The following USF3 variants were observed in gnomAD, a reference collection of about 807,000 sequenced individuals.
The protein encoded by USF3 is basic helix-loop-helix domain-containing protein USF3.
A neutral mutation model predicts 157.5 loss-of-function variants in USF3; 29 were observed. The observed-to-expected ratio is 0.18, with a 90% CI of 0.14 to 0.25. The LOEUF (loss-of-function observed/expected upper bound fraction) is 0.25, where lower values mean the gene tolerates loss of function less well. Ranked by LOEUF, USF3 falls within the 10% of genes least tolerant of loss-of-function variation. The pLI is 1.00. For missense variants in USF3, 2,381 were observed against 2,667.6 expected, an observed-to-expected ratio of 0.89 and a Z score of 2.37; for synonymous variants, 893 against 941.4, an observed-to-expected ratio of 0.95 and a Z score of 0.94.
rs1377761687 is a variant in USF3 at position 113,651,759 on chromosome 3, A to G, written c.*3185T>C. On this transcript the variant is annotated 3_prime_UTR_variant, in exon 7 of 7. Transcript: ENST00000316407. ...TGAAGTCTTACATACACATGCATAC[A>G]TCTGTAAAGTAATGAGAGCTACACG... The G allele has an allele frequency of 6.6e-6, 1 of 152,252 alleles. No individual in the cohort carries two copies. Among genetic ancestry groups the G allele is most frequent in the Non-Finnish European group, 1.5e-5 (1 of 68,046 alleles). 9.4% of individuals were successfully genotyped at this position (152,252 alleles called of 1,614,324 possible).
intron 1 of USF3, among the ~76,000 whole-genome samples, chr3:113,693,923 C>G (rs1490373536): frequency 6.6e-6 from 1 of 152,182 alleles, no homozygotes; most frequent in Non-Finnish European, 1.5e-5. Flanking sequence ...ATGAGTGAGG[C>G]CTGATTTAGG....
chr3:113,680,798 C>CAAA (rs527515104), intron 1 of USF3, among the ~76,000 whole-genome samples: 1,505 of 113,518 alleles, frequency 0.013, 12 homozygotes, highest in Admixed American at 0.049. Context: ...ATACTGTCTC[C>CAAA]AAAAAAAAAA....
chr3:113,671,068 GATA>G (rs1255339694), intron 4 of USF3, among the ~76,000 whole-genome samples: 1 of 152,096 alleles, frequency 6.6e-6, no homozygotes, highest in Non-Finnish European at 1.5e-5. Context: ...GACCATCATT[GATA>G]ATAATTACTT....
chr3:113,658,004 T>A lies in USF3; in HGVS notation c.3678A>T (p.Leu1226Phe). The change falls in exon 7 of 7, where the codon TTA (leucine) becomes TTT (phenylalanine). Residue 1226 changes from leucine (L) to phenylalanine (F), a missense_variant. Physicochemically the swap from Leu to Phe is conservative, Grantham distance 22. Coordinates refer to ENST00000316407, the MANE Select transcript of USF3 (RefSeq NM_001009899.4). The part of the protein sequence containing the change: ...SLGIKTSNAS[L>F]QDSTSQPPSI... Reference sequence around the variant, plus strand: ...TTGGTGGCTGAGAAGTTGAATCCTGTAAAGATGCATTTGATGTTTTAATTC... The same window carrying A: ...TTGGTGGCTGAGAAGTTGAATCCTGAAAAGATGCATTTGATGTTTTAATTC... 1 of 1,614,168 alleles carries A rather than the reference T, an allele frequency of 6.2e-7. No homozygotes were observed. The highest frequency in any genetic ancestry group is 8.5e-7 in the Non-Finnish European group (1 of 1,180,012).
rs888632929 is a variant in USF3, at chr3:113,664,494, CAT to C, written c.160-87_160-86del. ...GAAACTTTAAGCTTTGTCTTTATCACATATATATGATACGTATCTTCTCAAAA... is the reference window on the plus strand; with the variant it reads ...GAAACTTTAAGCTTTGTCTTTATCACATATATGATACGTATCTTCTCAAAA... On this transcript the variant is annotated intron_variant, in intron 5 of 6. Coordinates refer to ENST00000316407, the MANE Select transcript of USF3 (RefSeq NM_001009899.4). The C allele has an allele frequency of 4.6e-6, 3 of 656,512 alleles. No individual in the cohort carries two copies. The African/African-American group carries it at 5.5e-5, about 12-fold the overall frequency. The allele number at this position is 656,512 out of a possible 1,614,324, so 40.7% of individuals were successfully genotyped here.
At chr3:113,681,361 T>C (rs144439349) in intron 1 of USF3, among the ~76,000 whole-genome samples, 12 of 152,274 alleles carry the variant, frequency 7.9e-5, no homozygotes, top group African/African-American at 2.9e-4. Context: ...GTATGCTGTG[T>C]TTCCATTTTC....
rs762035249 is a variant in USF3, at chr3:113,660,214, G to A, written c.1468C>T (p.Pro490Ser). The A allele has an allele frequency of 5.0e-6, 8 of 1,614,172 alleles. No individual in the cohort carries two copies. In the South Asian group the frequency reaches 8.8e-5, roughly 18 times the overall value. Residue 490 changes from proline to serine, a missense_variant, in exon 7 of 7, where the codon CCA (proline) becomes TCA (serine). Around this residue, in one of 6 missense-constraint regions of USF3, gnomAD observed 1,435 missense variants for 1,550.9 expected, o/e 0.93. Transcript: ENST00000316407. ...LNNSFPADGQ[P>S]VEQVVVTLPS... Reference sequence around the variant, plus strand: ...AATGTTACAACTACTTGCTCAACTGGCTGCCCATCTGCTGGAAAGGAATTA... The same window carrying A: ...AATGTTACAACTACTTGCTCAACTGACTGCCCATCTGCTGGAAAGGAATTA...
intron 1 of USF3, among the ~76,000 whole-genome samples, chr3:113,679,348 G>A (rs9831422): frequency 0.3 from 45,067 of 150,340 alleles, 6,961 homozygotes; most frequent in Non-Finnish European, 0.35. Context: ...GGGTTTTGAC[G>A]AATGCACACA....
At chr3:113,695,418 A>G (rs982011372) in intron 1 of USF3, among the ~76,000 whole-genome samples, 1 of 152,228 alleles carries the variant, frequency 6.6e-6, no homozygotes, top group Non-Finnish European at 1.5e-5. Flanking sequence ...TTTACAAAAG[A>G]GCAAACCTGG....
chr3:113,649,898 A>G lies in USF3; in HGVS notation c.*5046T>C. The G allele has an allele frequency of 1.4e-6, 1 of 700,932 alleles. No individual in the cohort carries two copies. Among genetic ancestry groups the G allele is most frequent in the Middle Eastern group, 2.3e-4 (1 of 4,368 alleles). 43.4% of individuals were successfully genotyped at this position (700,932 alleles called of 1,614,324 possible). A position where few individuals can be genotyped will look rare whatever the true frequency, so the allele number is the denominator to read the frequency against. ...AGACAGAATATAGTTAAATCCAAAA[A>G]AGGCCCTTTTCTTTCAAACCCTGGG... On this transcript the variant is annotated 3_prime_UTR_variant, in exon 7 of 7. Transcript: ENST00000316407.
intron 1 of USF3, among the ~76,000 whole-genome samples, chr3:113,695,799 G>C (rs907771549): frequency 6.6e-6 from 1 of 152,198 alleles, no homozygotes; most frequent in African/African-American, 2.4e-5. Context: ...CATGAAAGTA[G>C]ATTTCAAGAG....
At chr3:113,673,401 G>C (rs373226585) in intron 3 of USF3, 25 bp from the exon 4 acceptor site, 16 of 1,491,786 alleles carry the variant, frequency 1.1e-5, no homozygotes, top group Non-Finnish European at 1.5e-5. Flanking sequence ...ACAGATAAAA[G>C]GTAACATGAA....
chr3:113,688,605 T>C lies in USF3; in HGVS notation c.-135+7765A>G, dbSNP rs1408472863. ...TGAGTGTGTTTCATTCACCAATGTA[T>C]TCTAAGTGCCTAGAATCATGCTAGG... is the stretch of plus-strand genomic sequence containing the variant. On this transcript the variant is annotated intron_variant, in intron 1 of 6. Transcript: ENST00000316407. Among the ~76,000 whole-genome samples the C allele has an allele frequency of 2.0e-5, 3 of 152,350 alleles. No homozygotes were observed. The East Asian group carries it at 5.8e-4, about 29-fold the overall frequency.
At chr3:113,661,718 T>C (rs1297941055) in intron 6 of USF3, among the ~76,000 whole-genome samples, 1 of 152,186 alleles carries the variant, frequency 6.6e-6, no homozygotes, top group Non-Finnish European at 1.5e-5. Flanking sequence ...GGCAGCTACA[T>C]AGGTGAAGTA....
Position 113,659,914 on chromosome 3 carries a change from G to A in USF3, c.1768C>T (p.Pro590Ser), listed in dbSNP as rs759759838. ...GGTGGAGCAGGGAGGAGTGGCAAAGGATTCTGATTAGCAGCCTGTATGATT... is the reference window on the plus strand; with the variant it reads ...GGTGGAGCAGGGAGGAGTGGCAAAGAATTCTGATTAGCAGCCTGTATGATT... ...IVIIQAANQN[P>S]LPLLPAPPPG... The change falls in exon 7 of 7, where the codon CCT (proline) becomes TCT (serine). Residue 590 changes from proline (P) to serine (S), a missense_variant. Physicochemically the swap from Pro to Ser is moderately conservative, Grantham distance 74. Around this residue, in one of 6 missense-constraint regions of USF3, gnomAD observed 1,435 missense variants for 1,550.9 expected, o/e 0.93. Coordinates refer to ENST00000316407, the MANE Select transcript of USF3 (RefSeq NM_001009899.4). 8 of 1,614,204 alleles carry A rather than the reference G, an allele frequency of 5.0e-6. No individual in the cohort carries two copies. The Admixed American group carries it at 8.3e-5, about 17-fold the overall frequency.
chr3:113,679,411 C>CTTTT (rs34641216), intron 1 of USF3, among the ~76,000 whole-genome samples: 6 of 118,030 alleles, frequency 5.1e-5, no homozygotes, highest in East Asian at 2.4e-4. Flanking sequence ...AGAGAAAGTT[C>CTTTT]TTTTTTTTTT....
Position 113,659,370 on chromosome 3 carries a change from C to T in USF3, c.2312G>A (p.Ser771Asn). The T allele has an allele frequency of 6.2e-7, 1 of 1,614,218 alleles. No individual in the cohort carries two copies. Among genetic ancestry groups the T allele is most frequent in the Non-Finnish European group, 8.5e-7 (1 of 1,180,032 alleles). The change falls in exon 7 of 7, where the codon AGT becomes AAT. Residue 771 changes from serine (S) to asparagine (N), a missense_variant. Physicochemically the swap from Ser to Asn is conservative, Grantham distance 46. Around this residue, in one of 6 missense-constraint regions of USF3, gnomAD observed 1,435 missense variants for 1,550.9 expected, o/e 0.93. Transcript: ENST00000316407. The stretch of plus-strand genomic sequence containing the variant: ...GGAAGTACTCACTAGATTATAAGTA[C>T]TAGCTAGTGTGGCTGAACTATCTGT... ...VTTDSSATLA[S>N]TYNLVSTSSM...
chr3:113,656,848 G>C lies in USF3; in HGVS notation c.4834C>G (p.Gln1612Glu). The change falls in exon 7 of 7, where the codon CAA (glutamine) becomes GAA (glutamate). Residue 1612 changes from glutamine (Q) to glutamate (E), a missense_variant. By Grantham distance (29) the Gln-to-Glu change is conservative. This residue lies in a region of USF3 where 770 missense variants were observed against 824.2 expected (regional missense o/e 0.93). Coordinates refer to ENST00000316407, the MANE Select transcript of USF3 (RefSeq NM_001009899.4). ...TGTTCAGATGAAACCCCTGAACCTT[G>C]CTGTCTGCTTCCAACATCCTGCTGT... is the stretch of plus-strand genomic sequence containing the variant. ...HQQQDVGSRQ[Q>E]GSGVSSEHVS... 6.2e-7 allele frequency: 1 copy of C among 1,614,232 alleles called. No individual in the cohort carries two copies. Among genetic ancestry groups the C allele is most frequent in the Non-Finnish European group, 8.5e-7 (1 of 1,180,044 alleles).
In USF3 at chr3:113,661,242, A is replaced by AT. The variant is rs747493460; in HGVS notation, c.439dup (p.Ile147AsnfsTer25). The AT allele has an allele frequency of 2.5e-6, 4 of 1,607,742 alleles. No individual in the cohort carries two copies. The highest frequency in any genetic ancestry group is 1.7e-5 in the Admixed American group (1 of 59,652). ...CTGATTCCCGTTGGAATAAACAATA[A>AT]TTTTTTTTTGAACCTGGTCACTAGG... On this transcript the variant is annotated frameshift_variant, in exon 7 of 7. Transcript: ENST00000316407. LOFTEE classifies it high-confidence loss of function.
Sources: allele counts gnomAD v4.1 joint callset (sites outside exome capture counted in the v4.1 genomes callset), GRCh38; gene constraint gnomAD v4.1.1; regional missense constraint gnomAD v4.1.1; transcripts MANE v1.5; gene names NCBI Gene and HGNC (gene_info 2026-07-23, HGNC 2026-07-21).